Variants in OXNAD1 observed in about 807,000 individuals in gnomAD.
OXNAD1 encodes the protein oxidoreductase NAD binding domain containing 1.
OXNAD1 carries 34 observed loss-of-function variants against 32.9 expected under a neutral mutation model. The ratio of observed to expected loss-of-function variants is 1.03; its 90% CI spans 0.79 to 1.38. The LOEUF (loss-of-function observed/expected upper bound fraction) is 1.38, where lower values mean the gene tolerates loss of function less well. OXNAD1 is among the 40% of genes most tolerant of loss of function. OXNAD1 has a pLI of 0.00. For synonymous variants in OXNAD1, 134 were observed against 135.2 expected (o/e 0.99, Z 0.06); for missense variants, 407 against 379.4 (o/e 1.07, Z -0.60).
At chr3:16,270,029 A>G (rs1489162725) in intron 2 of OXNAD1, among the ~76,000 whole-genome samples, 1 of 152,202 alleles carries the variant, frequency 6.6e-6, no homozygotes, top group Non-Finnish European at 1.5e-5. Flanking sequence ...TAGAATTTGA[A>G]ATGTTGAAGA....
At chr3:16,285,414 G>A (rs1039309920) in intron 4 of OXNAD1, among the ~76,000 whole-genome samples, 2 of 152,196 alleles carry the variant, frequency 1.3e-5, no homozygotes, top group African/African-American at 4.8e-5. Flanking sequence ...CTGATTTGCT[G>A]CCACAAGTAA....
chr3:16,314,085 C>G lies in OXNAD1; in HGVS notation c.*30+10493C>G, dbSNP rs1347268493. 1.3e-5 allele frequency among the ~76,000 whole-genome samples: 2 copies of G among 151,960 alleles called. No homozygotes were observed. Among genetic ancestry groups the G allele is most frequent in the African/African-American group, 2.4e-5 (1 of 41,374 alleles). The stretch of plus-strand genomic sequence containing the variant: ...TTCAATCACCTGATAACCACCTGAT[C>G]ACAGTGGGTTTGCAGGACTCCCCTG... On this transcript the variant is annotated intron_variant, in intron 9 of 9. Coordinates refer to the OXNAD1 transcript ENST00000435829. The surrounding 1 kb of genome is among the most constrained non-coding windows in gnomAD (Gnocchi z 4.4).
At chr3:16,350,939 T>A (rs2072055238), downstream of OXNAD1, among the ~76,000 whole-genome samples, 1 of 152,212 alleles carries the variant, frequency 6.6e-6, no homozygotes, top group South Asian at 2.1e-4. Flanking sequence ...GAAATTGATG[T>A]TACTCCCTGG....
chr3:16,331,730 C>T (rs947630996), intron 9 of OXNAD1, among the ~76,000 whole-genome samples: 12 of 152,146 alleles, frequency 7.9e-5, no homozygotes, highest in Admixed American at 3.9e-4. Context: ...CTGGGTTCTT[C>T]GTAAATTACT....
intron 1 of OXNAD1, among the ~76,000 whole-genome samples, 160 bp from the exon 2 acceptor site, chr3:16,268,966 C>T (rs1280051653): frequency 2.0e-5 from 3 of 152,016 alleles, no homozygotes; most frequent in Non-Finnish European, 4.4e-5. Flanking sequence ...AAAATGGAAG[C>T]ATGGAGGAAA....
In OXNAD1 at chr3:16,294,982, C is replaced by T. The variant is rs758671788; in HGVS notation, c.417C>T (p.Leu139=). 5 of 1,612,070 alleles carry T rather than the reference C, an allele frequency of 3.1e-6. No homozygotes were observed. In the South Asian group the frequency reaches 4.4e-5, roughly 14 times the overall value. ...AVKYTNHPPA[L]WVHNTCTLDC... is the part of the protein sequence containing the mutation. ...AATATACGAACCACCCTCCTGCCCT[C>T]TGGGTTCACAATACGGTAAGCACAC... Residue 139 remains leucine, a synonymous_variant, in exon 6 of 9, where the codon CTC becomes CTT. Coordinates refer to ENST00000285083, the MANE Select transcript of OXNAD1 (RefSeq NM_138381.5).
rs2066236949 is a variant in OXNAD1 at position 16,288,748 on chromosome 3, C to T, written c.290+2300C>T. Among the ~76,000 whole-genome samples the T allele has an allele frequency of 6.6e-6, 1 of 152,224 alleles. No homozygotes were observed. Among genetic ancestry groups the T allele is most frequent in the Non-Finnish European group, 1.5e-5 (1 of 68,040 alleles). Reference sequence around the variant, plus strand: ...TTGGTTCATCTTACTAGTAGGCCTACCACTTGCTAGCTCCTTGGTGAGGCC... The same window carrying T: ...TTGGTTCATCTTACTAGTAGGCCTATCACTTGCTAGCTCCTTGGTGAGGCC... On this transcript the variant is annotated intron_variant, in intron 5 of 8. Transcript: ENST00000285083. This position sits in a 1 kb window ranked among gnomAD's most constrained non-coding sequence, Gnocchi z 5.1.
At position 16,336,850 on chromosome 3, in the gene OXNAD1, C is replaced by T. The variant is rs894713787; in HGVS notation, c.*31-262C>T. Among the ~76,000 whole-genome samples, 5 of 151,892 alleles carry T rather than the reference C, an allele frequency of 3.3e-5. No homozygotes were observed. The highest frequency in any genetic ancestry group is 2.6e-4 in the Admixed American group (4 of 15,270). ...ACTCAGTAGCCTTTTAGGAGCTCAA[C>T]GAAATAAAAAATAATAATTGTTATT... On this transcript the variant is annotated intron_variant, in intron 9 of 9. Transcript: ENST00000435829. The surrounding 1 kb of genome is among the most constrained non-coding windows in gnomAD (Gnocchi z 6.0).
Position 16,271,714 on chromosome 3 carries a change from C to G in OXNAD1, c.175C>G (p.Arg59Gly), listed in dbSNP as rs747587030. ...DHMERTASVLRREIVSAAKVC... is the reference protein window; with the variant it reads ...DHMERTASVLGREIVSAAKVC... ...CATGGAGAGAACTGCAAGTGTCCTT[C>G]GACGGGAGGTTTGTATCTTTGGGGT... is the stretch of plus-strand genomic sequence containing the variant. Residue 59 changes from arginine to glycine, a missense_variant, in exon 4 of 9, where the codon CGA (arginine) becomes GGA (glycine). By Grantham distance (125) the Arg-to-Gly change is moderately radical. Transcript: ENST00000285083. This position sits in a 1 kb window ranked among gnomAD's most constrained non-coding sequence, Gnocchi z 4.6. 1 of 1,607,312 alleles carries G rather than the reference C, an allele frequency of 6.2e-7. No individual in the cohort carries two copies. The highest frequency in any genetic ancestry group is 8.5e-7 in the Non-Finnish European group (1 of 1,178,208).
At chr3:16,286,188 G>C (rs924286993) in intron 4 of OXNAD1, among the ~76,000 whole-genome samples, 154 bp from the exon 5 acceptor site, 5 of 152,196 alleles carry the variant, frequency 3.3e-5, no homozygotes, top group African/African-American at 1.2e-4. Flanking sequence ...ATGGTGGTAG[G>C]CTGAACTAAA....
At chr3:16,283,732 T>C (rs1359005935) in intron 4 of OXNAD1, among the ~76,000 whole-genome samples, 1 of 152,082 alleles carries the variant, frequency 6.6e-6, no homozygotes, top group Non-Finnish European at 1.5e-5. Flanking sequence ...CAAGGCAGTT[T>C]AGGGAAAGCT....
At position 16,334,154 on chromosome 3, in the gene OXNAD1, G is replaced by C. The variant is rs1395598038; in HGVS notation, c.*31-2958G>C. Among the ~76,000 whole-genome samples, 2 of 152,180 alleles carry C rather than the reference G, an allele frequency of 1.3e-5. No homozygotes were observed. The highest frequency in any genetic ancestry group is 2.9e-5 in the Non-Finnish European group (2 of 68,036). Reference sequence around the variant, plus strand: ...CACTCCAGCCTGGGCGACAGAGCAAGACTCTGTCTCAAAACAAAAACAAAA... The same window carrying C: ...CACTCCAGCCTGGGCGACAGAGCAACACTCTGTCTCAAAACAAAAACAAAA... On this transcript the variant is annotated intron_variant, in intron 9 of 9. Coordinates refer to the OXNAD1 transcript ENST00000435829. This position sits in a 1 kb window ranked among gnomAD's most constrained non-coding sequence, Gnocchi z 4.3.
chr3:16,338,479 T>C (rs1172582800), downstream of OXNAD1, among the ~76,000 whole-genome samples: 3 of 152,270 alleles, frequency 2.0e-5, no homozygotes, highest in African/African-American at 7.2e-5. This position sits in a 1 kb window ranked among gnomAD's most constrained non-coding sequence, Gnocchi z 5.3. Flanking sequence ...ACAGGGCTCC[T>C]GTCCTCTAGA....
rs2070809132 is a variant in OXNAD1, at chr3:16,335,985, C to T, written c.*31-1127C>T. Among the ~76,000 whole-genome samples the T allele has an allele frequency of 6.6e-6, 1 of 152,168 alleles. No individual in the cohort carries two copies. The highest frequency in any genetic ancestry group is 1.5e-5 in the Non-Finnish European group (1 of 68,028). Reference sequence around the variant, plus strand: ...GCATGCTGGCGCCTTCTCAGGGCTGCCTGGGCCCTGCTCAGCACACGCTGG... The same window carrying T: ...GCATGCTGGCGCCTTCTCAGGGCTGTCTGGGCCCTGCTCAGCACACGCTGG... On this transcript the variant is annotated intron_variant, in intron 9 of 9. Transcript: ENST00000435829. This position sits in a 1 kb window ranked among gnomAD's most constrained non-coding sequence, Gnocchi z 4.7.
downstream of OXNAD1, among the ~76,000 whole-genome samples, chr3:16,338,864 C>T (rs1030627336): frequency 6.6e-6 from 1 of 152,170 alleles, no homozygotes; most frequent in South Asian, 2.1e-4. This position sits in a 1 kb window ranked among gnomAD's most constrained non-coding sequence, Gnocchi z 5.3. Context: ...GGGAGAGAGC[C>T]AGTCTGTCTG....
chr3:16,350,060 A>G, exon 10 of OXNAD1: 1 of 152,240 alleles, frequency 6.6e-6, no homozygotes, highest in Admixed American at 6.5e-5. Context: ...CTTTCATAGC[A>G]ACATCTAGAT....
chr3:16,294,326 C>T (rs1053172804), intron 5 of OXNAD1, among the ~76,000 whole-genome samples: 1 of 152,120 alleles, frequency 6.6e-6, no homozygotes, highest in Non-Finnish European at 1.5e-5. Flanking sequence ...CCTCAGCTTC[C>T]CAAGTAGCTG....
In OXNAD1 at chr3:16,271,826, G is replaced by A. The variant is rs1441374395; in HGVS notation, c.183+104G>A. The A allele has an allele frequency of 3.1e-6, 3 of 961,230 alleles. No individual in the cohort carries two copies. Among genetic ancestry groups the A allele is most frequent in the Non-Finnish European group, 4.6e-6 (3 of 645,274 alleles). The allele number at this position is 961,230 out of a possible 1,614,324, so 59.5% of individuals were successfully genotyped here. On this transcript the variant is annotated intron_variant, in intron 4 of 8. Coordinates refer to ENST00000285083, the MANE Select transcript of OXNAD1 (RefSeq NM_138381.5). This position sits in a 1 kb window ranked among gnomAD's most constrained non-coding sequence, Gnocchi z 4.6. ...TTAGATGAGTCTGGTCCTTTTGAAGGAGAGTTGGGAAGTTTGTTATTTTTC... is the reference window on the plus strand; with the variant it reads ...TTAGATGAGTCTGGTCCTTTTGAAGAAGAGTTGGGAAGTTTGTTATTTTTC...
chr3:16,328,492 C>G (rs779197251), intron 9 of OXNAD1, among the ~76,000 whole-genome samples: 1 of 152,244 alleles, frequency 6.6e-6, no homozygotes, highest in Non-Finnish European at 1.5e-5. Flanking sequence ...GCTTCTATAA[C>G]TGGACACCAG....
Sources: allele counts gnomAD v4.1 joint callset (sites outside exome capture counted in the v4.1 genomes callset), GRCh38; gene constraint gnomAD v4.1.1; non-coding constraint Gnocchi (gnomAD v3.1); transcripts MANE v1.5; gene names NCBI Gene and HGNC (gene_info 2026-07-23, HGNC 2026-07-21).